Variants in SLC22A3 observed in about 807,000 individuals in gnomAD.
SLC22A3 encodes the protein solute carrier family 22 member 3, also known as EMT organic cation transporter 3.
Under a neutral mutation model 59.1 loss-of-function variants are expected in SLC22A3, and 51 were observed. The observed-to-expected ratio is 0.86, with a 90% CI of 0.69 to 1.09. The LOEUF (loss-of-function observed/expected upper bound fraction) is 1.09. Among genes scored for constraint, SLC22A3 ranks in the 50% least tolerant of loss-of-function variants. SLC22A3 has a pLI of 0.00. For synonymous variants in SLC22A3, 325 were observed against 292.0 expected, an observed-to-expected ratio of 1.11 and a Z score of -1.15; for missense variants, 711 against 726.3, an observed-to-expected ratio of 0.98 and a Z score of 0.24.
At chr6:160,412,747 A>G (rs1482927599) in intron 5 of SLC22A3, among the ~76,000 whole-genome samples, 3 of 152,168 alleles carry the variant, frequency 2.0e-5, no homozygotes, top group Non-Finnish European at 2.9e-5. Context: ...CAAAGATCTG[A>G]TCATTTGTAT....
intron 1 of SLC22A3, among the ~76,000 whole-genome samples, chr6:160,381,674 A>C (rs1425807983): frequency 1.3e-5 from 2 of 152,238 alleles, no homozygotes; most frequent in Non-Finnish European, 2.9e-5. Flanking sequence ...AACTATGAAG[A>C]GGAATAATAG....
At chr6:160,425,860 C>A in intron 5 of SLC22A3, 3 of 985,302 alleles carry the variant, frequency 3.0e-6, no homozygotes, top group Non-Finnish European at 3.6e-6. Flanking sequence ...GATTAATTAC[C>A]ATGGCCCAGA....
intron 7 of SLC22A3, among the ~76,000 whole-genome samples, chr6:160,442,130 A>G (rs1788564446): frequency 6.6e-6 from 1 of 152,236 alleles, no homozygotes; most frequent in Non-Finnish European, 1.5e-5. Flanking sequence ...GCATTGATGA[A>G]TGTGGCTCCT....
chr6:160,411,046 G>GA (rs1464254168), intron 5 of SLC22A3, among the ~76,000 whole-genome samples, 200 bp downstream of exon 5: 2 of 151,546 alleles, frequency 1.3e-5, no homozygotes, highest in Non-Finnish European at 2.9e-5. Context: ...TGACTTAACT[G>GA]AAAAAAATCT....
In SLC22A3 at chr6:160,442,840, A is replaced by G; in HGVS notation, c.1368A>G (p.Val456=). ...ITMAFEIVYL[V]NSELYPTTLR... Reference sequence around the variant, plus strand: ...TGGCCTTTGAAATTGTTTATTTGGTAAATTCAGAATTGTACCCAACAACAT... The same window carrying G: ...TGGCCTTTGAAATTGTTTATTTGGTGAATTCAGAATTGTACCCAACAACAT... The change falls in exon 8 of 11, where the codon GTA becomes GTG. Residue 456 remains valine, a synonymous_variant. Coordinates refer to ENST00000275300, the MANE Select transcript of SLC22A3 (RefSeq NM_021977.4). 6.2e-7 allele frequency: 1 copy of G among 1,613,740 alleles called. No homozygotes were observed. Among genetic ancestry groups the G allele is most frequent in the Non-Finnish European group, 8.5e-7 (1 of 1,179,640 alleles).
intron 1 of SLC22A3, among the ~76,000 whole-genome samples, chr6:160,365,810 T>C (rs1785184386): frequency 6.6e-6 from 1 of 152,094 alleles, no homozygotes; most frequent in South Asian, 2.1e-4. Flanking sequence ...TACAGAATGT[T>C]TGGGGAGGCC....
intron 1 of SLC22A3, among the ~76,000 whole-genome samples, chr6:160,392,657 A>G (rs998297593): frequency 6.6e-6 from 1 of 152,232 alleles, no homozygotes; most frequent in African/African-American, 2.4e-5. Flanking sequence ...GTGCCATCAG[A>G]TCATGTTAAA....
At position 160,381,013 on chromosome 6, in the gene SLC22A3, G is replaced by A. The variant is rs529217881; in HGVS notation, c.430-16966G>A. The stretch of plus-strand genomic sequence containing the variant: ...TATTGGTGAATATGCCAGTGCAGCC[G>A]AGAAGGTGACAGGATTTGAAAAATG... On this transcript the variant is annotated intron_variant, in intron 1 of 10. Transcript: ENST00000275300. Among the ~76,000 whole-genome samples the A allele has an allele frequency of 7.9e-5, 12 of 152,266 alleles. No individual in the cohort carries two copies. In the East Asian group the frequency reaches 1.5e-3, roughly 20 times the overall value.
chr6:160,391,134 C>T (rs547927639), intron 1 of SLC22A3, among the ~76,000 whole-genome samples: 2 of 152,256 alleles, frequency 1.3e-5, no homozygotes, highest in South Asian at 2.1e-4. Context: ...CTACAAAGAC[C>T]CTATTTCCAA....
intron 5 of SLC22A3, among the ~76,000 whole-genome samples, chr6:160,411,873 G>A (rs189839402): frequency 0.012 from 1,768 of 152,256 alleles, 19 homozygotes; most frequent in Middle Eastern, 0.017. Flanking sequence ...AGCATATAAA[G>A]AAAAATATGA....
chr6:160,396,077 T>G (rs1247378704), intron 1 of SLC22A3, among the ~76,000 whole-genome samples: 1 of 152,238 alleles, frequency 6.6e-6, no homozygotes, highest in Non-Finnish European at 1.5e-5. Flanking sequence ...ATTCGTACTC[T>G]TTCCCAAAAC....
At chr6:160,449,940 A>G (rs1017231405) in intron 10 of SLC22A3, among the ~76,000 whole-genome samples, 4 of 152,212 alleles carry the variant, frequency 2.6e-5, no homozygotes, top group Non-Finnish European at 2.9e-5. Flanking sequence ...TCAAAGGGCA[A>G]AAAGGAGAAC....
At chr6:160,402,586 A>T (rs1786828444) in intron 2 of SLC22A3, among the ~76,000 whole-genome samples, 1 of 151,792 alleles carries the variant, frequency 6.6e-6, no homozygotes, top group South Asian at 2.1e-4. Flanking sequence ...CAGACTTAAC[A>T]TTTTTTTCAA....
intron 1 of SLC22A3, among the ~76,000 whole-genome samples, chr6:160,367,997 C>T (rs1296908375): frequency 6.6e-6 from 1 of 152,084 alleles, no homozygotes; most frequent in African/African-American, 2.4e-5. Flanking sequence ...GCTGAGAGCA[C>T]TGCTGGAGAC....
At chr6:160,348,977 G>A (rs1784571510) in intron 1 of SLC22A3, 129 bp downstream of exon 1, 19 of 1,517,222 alleles carry the variant, frequency 1.3e-5, no homozygotes, top group East Asian at 4.9e-5. Flanking sequence ...GGCTACCTCT[G>A]GGGACAGACA....
At chr6:160,410,394 A>G (rs1787197527) in intron 4 of SLC22A3, among the ~76,000 whole-genome samples, 2 of 152,256 alleles carry the variant, frequency 1.3e-5, no homozygotes, top group South Asian at 4.1e-4. Flanking sequence ...AAGTCAGTTT[A>G]CATAAATCAG....
chr6:160,382,822 G>A (rs752582913), intron 1 of SLC22A3, among the ~76,000 whole-genome samples: 5 of 152,120 alleles, frequency 3.3e-5, no homozygotes, highest in Non-Finnish European at 7.4e-5. Flanking sequence ...TAATGAATGA[G>A]TAGATAGGGA....
chr6:160,447,797 A>G lies in SLC22A3; in HGVS notation c.1589A>G (p.Asp530Gly). The G allele has an allele frequency of 6.2e-7, 1 of 1,614,078 alleles. No individual in the cohort carries two copies. The highest frequency in any genetic ancestry group is 1.1e-5 in the South Asian group (1 of 91,084). Residue 530 changes from aspartate (D) to glycine (G), a missense_variant, in exon 10 of 11, where the codon GAT becomes GGT. By Grantham distance (94) the Asp-to-Gly change is moderately conservative. Coordinates refer to ENST00000275300, the MANE Select transcript of SLC22A3 (RefSeq NM_021977.4). ...TKGIALPETV[D>G]DVEKLGSPHS... ...GGTATTGCCTTGCCAGAGACAGTGG[A>G]TGATGTAGAAAAACTTGGCAGGTAC...
At chr6:160,355,250 C>T (rs937439911) in intron 1 of SLC22A3, among the ~76,000 whole-genome samples, 1 of 152,138 alleles carries the variant, frequency 6.6e-6, no homozygotes, top group Admixed American at 6.5e-5. Context: ...GGGCACCTGA[C>T]AAAATGGTAT....
Sources: allele counts gnomAD v4.1 joint callset (sites outside exome capture counted in the v4.1 genomes callset), GRCh38; gene constraint gnomAD v4.1.1; transcripts MANE v1.5; gene names NCBI Gene and HGNC (gene_info 2026-07-23, HGNC 2026-07-21).